Variants in TSHZ2 observed in about 807,000 individuals in gnomAD.
The protein encoded by TSHZ2 is teashirt homolog 2.
TSHZ2 carries 21 observed loss-of-function variants against 74.4 expected under a neutral mutation model. That is an observed-to-expected ratio of 0.28 (90% CI 0.20 to 0.41). The LOEUF (loss-of-function observed/expected upper bound fraction) is 0.41. TSHZ2 is among the 10% of genes least tolerant of loss of function. The probability of loss-of-function intolerance (pLI) is 1.00; values close to 1 mark genes in which losing one functional copy is unlikely to be tolerated. For missense variants in TSHZ2, 1,244 were observed against 1,293.5 expected (o/e 0.96, Z 0.59); for synonymous variants, 540 against 515.3 (o/e 1.05, Z -0.65).
intron 2 of TSHZ2, among the ~76,000 whole-genome samples, chr20:53,448,514 G>A (rs1200167546): frequency 1.3e-5 from 2 of 152,184 alleles, no homozygotes; most frequent in African/African-American, 4.8e-5. Flanking sequence ...AAGACTGGGA[G>A]GGTCAATTTC....
chr20:53,256,865 C>A lies in TSHZ2; in HGVS notation c.*8+294C>A, dbSNP rs1990494418. 6.6e-6 allele frequency among the ~76,000 whole-genome samples: 1 copy of A among 152,218 alleles called. No individual in the cohort carries two copies. Among genetic ancestry groups the A allele is most frequent in the Admixed American group, 6.5e-5 (1 of 15,280 alleles). ...ATCCATAATCCTGAATTACCCAAGG[C>A]AAGCTCCAGTGTCCAGCCAAGGCTA... On this transcript the variant is annotated intron_variant, in intron 2 of 2. Transcript: ENST00000371497. This position sits in a 1 kb window ranked among gnomAD's most constrained non-coding sequence, Gnocchi z 4.3.
intron 2 of TSHZ2, among the ~76,000 whole-genome samples, chr20:53,463,919 C>T (rs569192323): frequency 6.6e-6 from 1 of 152,236 alleles, no homozygotes; most frequent in Non-Finnish European, 1.5e-5. Context: ...ACACAGGCTC[C>T]CTATCGACAA....
chr20:53,396,028 CAGGT>C (rs1220001082), intron 2 of TSHZ2, among the ~76,000 whole-genome samples: 1 of 152,190 alleles, frequency 6.6e-6, no homozygotes, highest in African/African-American at 2.4e-5. Flanking sequence ...CTCCTCTTCC[CAGGT>C]CCACCGCATT....
chr20:53,059,230 T>TA (rs1259674320), intron 1 of TSHZ2, among the ~76,000 whole-genome samples: 1 of 152,152 alleles, frequency 6.6e-6, no homozygotes, highest in Non-Finnish European at 1.5e-5. Context: ...TAGTGAGACT[T>TA]TTAAGGCATG....
chr20:53,331,946 C>G (rs978522996), intron 2 of TSHZ2, among the ~76,000 whole-genome samples: 3 of 152,120 alleles, frequency 2.0e-5, no homozygotes, highest in African/African-American at 7.2e-5. Flanking sequence ...GGGGTTGGAA[C>G]AAGCTTGAGG....
intron 1 of TSHZ2, among the ~76,000 whole-genome samples, chr20:53,158,574 C>T (rs1011175002): frequency 1.2e-4 from 19 of 152,166 alleles, no homozygotes; most frequent in Admixed American, 9.8e-4. Context: ...GAGTAAGTGG[C>T]GTGTCCTTTA....
chr20:53,289,374 C>A (rs1420578304), intron 2 of TSHZ2, among the ~76,000 whole-genome samples: 2 of 152,150 alleles, frequency 1.3e-5, no homozygotes, highest in African/African-American at 4.8e-5. Context: ...ATTTTTAGTT[C>A]TTTAAGGAAT....
intron 1 of TSHZ2, among the ~76,000 whole-genome samples, chr20:53,247,748 C>G (rs938085851): frequency 6.6e-6 from 1 of 152,182 alleles, no homozygotes; most frequent in East Asian, 1.9e-4. Flanking sequence ...TTGGCGAAAA[C>G]GATCCTGTCA....
intron 1 of TSHZ2, among the ~76,000 whole-genome samples, chr20:53,090,159 A>G (rs906454629): frequency 4.6e-5 from 7 of 152,200 alleles, no homozygotes; most frequent in African/African-American, 1.7e-4. Flanking sequence ...GAGAAAGATG[A>G]AGGCCAGAGG....
In TSHZ2 at chr20:53,445,655, T is replaced by C. The variant is rs370410941; in HGVS notation, c.*9-41489T>C. 9.2e-5 allele frequency among the ~76,000 whole-genome samples: 14 copies of C among 152,322 alleles called. No individual in the cohort carries two copies. In the East Asian group the frequency reaches 2.1e-3, roughly 23 times the overall value. ...AGCCTGGTACCCAATGCCACAGCAC[T>C]GGTCCATATGGTGTCTGAGCTGGCC... On this transcript the variant is annotated intron_variant, in intron 2 of 2. Transcript: ENST00000371497.
At chr20:53,465,172 A>T (rs1345856990) in intron 2 of TSHZ2, among the ~76,000 whole-genome samples, 1 of 152,342 alleles carries the variant, frequency 6.6e-6, no homozygotes, top group South Asian at 2.1e-4. Context: ...AACTTCATCC[A>T]TAAGGAGAAA....
At chr20:53,143,584 C>T (rs903979616) in intron 1 of TSHZ2, among the ~76,000 whole-genome samples, 3 of 151,896 alleles carry the variant, frequency 2.0e-5, no homozygotes, top group Non-Finnish European at 4.4e-5. Context: ...CCCAGCTACT[C>T]GGGAGGCTGA....
intron 1 of TSHZ2, among the ~76,000 whole-genome samples, chr20:53,143,856 G>A (rs1315626853): frequency 3.9e-5 from 6 of 152,044 alleles, no homozygotes; most frequent in African/African-American, 1.2e-4. Flanking sequence ...TTTAATTCAC[G>A]CAGAGCTGGC....
chr20:52,999,193 A>C lies in TSHZ2; in HGVS notation c.40+25860A>C, dbSNP rs1337304712. ...TGGGTTGGAATCAGAGTGGTTCTCC[A>C]AGATGCACAGAGTTCCCGATTCACC... is the stretch of plus-strand genomic sequence containing the variant. On this transcript the variant is annotated intron_variant, in intron 1 of 2. Coordinates refer to ENST00000371497, the MANE Select transcript of TSHZ2 (RefSeq NM_173485.6). Among the ~76,000 whole-genome samples the C allele has an allele frequency of 2.6e-5, 4 of 152,274 alleles. No homozygotes were observed. In the East Asian group the frequency reaches 7.7e-4, roughly 29 times the overall value.
intron 1 of TSHZ2, among the ~76,000 whole-genome samples, chr20:53,046,836 A>G (rs938047472): frequency 6.6e-6 from 1 of 152,184 alleles, no homozygotes; most frequent in Non-Finnish European, 1.5e-5. Context: ...GGAAGGTGGA[A>G]CTAACAGGAT....
chr20:53,136,639 C>T (rs1395954113), intron 1 of TSHZ2, among the ~76,000 whole-genome samples: 2 of 152,208 alleles, frequency 1.3e-5, no homozygotes, highest in African/African-American at 2.4e-5. Flanking sequence ...ACTGGAACTT[C>T]CCAGCAGTTT....
chr20:53,296,937 T>C (rs1310418028), intron 2 of TSHZ2, among the ~76,000 whole-genome samples: 2 of 152,204 alleles, frequency 1.3e-5, no homozygotes, highest in Non-Finnish European at 2.9e-5. Flanking sequence ...GAAAGGGAAA[T>C]GATCTGCCCA....
chr20:53,327,869 T>C (rs771245343), intron 2 of TSHZ2, among the ~76,000 whole-genome samples: 42 of 152,332 alleles, frequency 2.8e-4, no homozygotes, highest in Non-Finnish European at 1.2e-4. Flanking sequence ...ATGTGAGACC[T>C]GTGCAGTGAG....
At chr20:53,101,565 A>G (rs1030671447) in intron 1 of TSHZ2, among the ~76,000 whole-genome samples, 2 of 152,258 alleles carry the variant, frequency 1.3e-5, no homozygotes, top group Non-Finnish European at 2.9e-5. Flanking sequence ...TGATTTCAGA[A>G]CTTTCCGACA....
Sources: allele counts gnomAD v4.1 joint callset (sites outside exome capture counted in the v4.1 genomes callset), GRCh38; gene constraint gnomAD v4.1.1; non-coding constraint Gnocchi (gnomAD v3.1); transcripts MANE v1.5; gene names NCBI Gene and HGNC (gene_info 2026-07-23, HGNC 2026-07-21).